Variants in CNTN4 observed in about 807,000 individuals in gnomAD.
The protein encoded by CNTN4 is contactin-4.
CNTN4 carries 77 observed loss-of-function variants against 122.5 expected under a neutral mutation model. The observed-to-expected ratio is 0.63, with a 90% CI of 0.52 to 0.76. The LOEUF is 0.76. CNTN4 is among the 30% of genes least tolerant of loss of function. The pLI, the probability that CNTN4 is intolerant of heterozygous loss-of-function variation, is 0.00. For synonymous variants in CNTN4, 512 were observed against 447.0 expected, an observed-to-expected ratio of 1.15 and a Z score of -1.83; for missense variants, 1,256 against 1,259.1, an observed-to-expected ratio of 1.00 and a Z score of 0.04.
chr3:2,649,912 T>C (rs900184694), intron 4 of CNTN4, among the ~76,000 whole-genome samples: 1 of 151,604 alleles, frequency 6.6e-6, no homozygotes, highest in African/African-American at 2.4e-5. Flanking sequence ...GCGGATCACT[T>C]GAGGCAAGGA....
intron 4 of CNTN4, among the ~76,000 whole-genome samples, chr3:2,639,681 C>G (rs2082818665): frequency 6.6e-6 from 1 of 152,154 alleles, no homozygotes; most frequent in Admixed American, 6.5e-5. Context: ...ATGAATTTTT[C>G]TTTGTCTGAA....
chr3:2,397,623 T>C (rs796663459), intron 3 of CNTN4, among the ~76,000 whole-genome samples: 11 of 152,032 alleles, frequency 7.2e-5, no homozygotes, highest in African/African-American at 2.7e-4. Flanking sequence ...CATTGCAGTA[T>C]AAAGAAGGAA....
Position 2,247,804 on chromosome 3 carries a change from G to C in CNTN4, c.-144-91374G>C, listed in dbSNP as rs11925629. Among the ~76,000 whole-genome samples, 965 of 152,050 alleles carry C rather than the reference G, an allele frequency of 6.3e-3. 8 individuals carry two copies. Among genetic ancestry groups the C allele is most frequent in the African/African-American group, 0.023 (934 of 41,506 alleles). ...AAAGTGGCAGAAAGTGTGGTACTTA[G>C]AAGTTATGATAATAATAGTGTCTTA... is the stretch of plus-strand genomic sequence containing the variant. On this transcript the variant is annotated intron_variant, in intron 2 of 24. Coordinates refer to ENST00000418658, the MANE Select transcript of CNTN4 (RefSeq NM_175607.3).
intron 13 of CNTN4, among the ~76,000 whole-genome samples, chr3:2,940,803 G>T (rs1302329334): frequency 6.6e-6 from 1 of 152,156 alleles, no homozygotes; most frequent in Admixed American, 6.5e-5. Flanking sequence ...GAGAGTCAAG[G>T]TCATCTTCTG....
chr3:2,603,747 C>A (rs182959104), intron 4 of CNTN4, among the ~76,000 whole-genome samples: 2 of 152,180 alleles, frequency 1.3e-5, no homozygotes, highest in African/African-American at 4.8e-5. Context: ...TATCTACTGT[C>A]ATGGGGCAGC....
chr3:2,762,982 C>T (rs2090661693), intron 6 of CNTN4, among the ~76,000 whole-genome samples: 1 of 139,536 alleles, frequency 7.2e-6, no homozygotes, highest in African/African-American at 2.7e-5. Context: ...CGCTGTGTCG[C>T]GCAGGCTGGA....
intron 3 of CNTN4, among the ~76,000 whole-genome samples, chr3:2,376,734 T>C (rs1368648200): frequency 1.3e-5 from 2 of 151,830 alleles, no homozygotes; most frequent in Non-Finnish European, 2.9e-5. Flanking sequence ...TATGCTCTGC[T>C]ATTTCCACTT....
chr3:2,179,112 A>C (rs1180405353), intron 2 of CNTN4, among the ~76,000 whole-genome samples: 1 of 152,038 alleles, frequency 6.6e-6, no homozygotes, highest in East Asian at 1.9e-4. Flanking sequence ...TTATCAATTA[A>C]TTTGCAGTTC....
At chr3:2,657,166 A>T (rs1559353775) in intron 4 of CNTN4, among the ~76,000 whole-genome samples, 1 of 152,226 alleles carries the variant, frequency 6.6e-6, no homozygotes, top group Non-Finnish European at 1.5e-5. Flanking sequence ...TCCAATTCTA[A>T]GGGTAGAAAG....
chr3:3,054,100 A>AC (rs1171166794), intron 24 of CNTN4, 125 bp downstream of exon 24: 3 of 993,382 alleles, frequency 3.0e-6, no homozygotes, highest in Non-Finnish European at 4.7e-6. Flanking sequence ...GGAGAACACT[A>AC]CCCCCCTTCT....
chr3:2,156,640 T>C (rs2035733364), intron 2 of CNTN4, among the ~76,000 whole-genome samples: 1 of 152,146 alleles, frequency 6.6e-6, no homozygotes, highest in African/African-American at 2.4e-5. Context: ...AGACCCTCGG[T>C]AAATGTTTGT....
intron 2 of CNTN4, among the ~76,000 whole-genome samples, chr3:2,290,469 C>G (rs1360570414): frequency 1.3e-5 from 2 of 152,050 alleles, no homozygotes; most frequent in Non-Finnish European, 2.9e-5. Context: ...GTTGCAGTTA[C>G]AGGGGAAAAT....
chr3:2,928,745 C>T (rs1167360696), intron 13 of CNTN4, among the ~76,000 whole-genome samples: 1 of 152,152 alleles, frequency 6.6e-6, no homozygotes, highest in Admixed American at 6.5e-5. Flanking sequence ...AAAGACTTTG[C>T]TAAACTCTTA....
chr3:2,948,544 G>GT lies in CNTN4; in HGVS notation c.1358+22766dup, dbSNP rs575206378. ...TCTGCAGGCATAGGTCTACAATCCT[G>GT]TATCCATATCTTTGAAATCCAAAAA... On this transcript the variant is annotated intron_variant, in intron 13 of 24. Transcript: ENST00000418658. 2.8e-3 allele frequency among the ~76,000 whole-genome samples: 424 copies of GT among 152,228 alleles called. 1 individual carries two copies. The highest frequency in any genetic ancestry group is 9.5e-3 in the African/African-American group (394 of 41,526).
intron 2 of CNTN4, among the ~76,000 whole-genome samples, chr3:2,120,401 A>ATTTT (rs1452871476): frequency 9.6e-5 from 3 of 31,372 alleles, no homozygotes; most frequent in African/African-American, 1.9e-4. Context: ...ATATATATAT[A>ATTTT]TATATTTTTT....
intron 10 of CNTN4, among the ~76,000 whole-genome samples, chr3:2,891,760 A>G (rs1260258888): frequency 6.6e-6 from 1 of 152,202 alleles, no homozygotes; most frequent in Non-Finnish European, 1.5e-5. Flanking sequence ...AGTACTTTGT[A>G]AGCCAGGCAC....
chr3:2,576,480 G>C (rs770987151), intron 4 of CNTN4, among the ~76,000 whole-genome samples: 3 of 151,896 alleles, frequency 2.0e-5, no homozygotes, highest in Non-Finnish European at 2.9e-5. Context: ...TGTGTGCCTT[G>C]AAGTCTATAT....
At chr3:2,990,680 T>G (rs995115935) in intron 14 of CNTN4, among the ~76,000 whole-genome samples, 1 of 152,210 alleles carries the variant, frequency 6.6e-6, no homozygotes, top group South Asian at 2.1e-4. Context: ...TGAATCACGA[T>G]GCAAAGCCTA....
chr3:2,785,886 G>C (rs1180448296), intron 6 of CNTN4, among the ~76,000 whole-genome samples: 4 of 30,484 alleles, frequency 1.3e-4, no homozygotes, highest in African/African-American at 4.9e-4. Context: ...AACCACCCTG[G>C]CCCACGCTGC....
Sources: allele counts gnomAD v4.1 joint callset (sites outside exome capture counted in the v4.1 genomes callset), GRCh38; gene constraint gnomAD v4.1.1; transcripts MANE v1.5; gene names NCBI Gene and HGNC (gene_info 2026-07-23, HGNC 2026-07-21).